Variants in NRXN1 observed in about 807,000 individuals in gnomAD.
The protein encoded by NRXN1 is neurexin 1.
Under a neutral mutation model 150.9 loss-of-function variants are expected in NRXN1, and 39 were observed. The ratio of observed to expected loss-of-function variants is 0.26; its 90% CI spans 0.20 to 0.34. The LOEUF (loss-of-function observed/expected upper bound fraction) is 0.34, where lower values mean the gene tolerates loss of function less well. NRXN1 is among the 10% of genes least tolerant of loss of function. The pLI is 1.00. For missense variants in NRXN1, 1,815 were observed against 1,949.9 expected (o/e 0.93, Z 1.30); for synonymous variants, 924 against 757.0 (o/e 1.22, Z -3.62).
intron 17 of NRXN1, among the ~76,000 whole-genome samples, chr2:50,313,640 G>T (rs879660874): frequency 6.6e-6 from 1 of 152,068 alleles, no homozygotes; most frequent in African/African-American, 2.4e-5. Context: ...ACACCATACC[G>T]CTACTTCTCT....
At chr2:50,810,929 G>C (rs1213764281) in intron 5 of NRXN1, among the ~76,000 whole-genome samples, 1 of 151,730 alleles carries the variant, frequency 6.6e-6, no homozygotes, top group African/African-American at 2.4e-5. Context: ...GCAGTGAGCT[G>C]AGATCACACC....
At chr2:50,407,086 C>T (rs1189598815) in intron 17 of NRXN1, among the ~76,000 whole-genome samples, 2 of 152,096 alleles carry the variant, frequency 1.3e-5, no homozygotes, top group Non-Finnish European at 2.9e-5. Flanking sequence ...TAATGATATA[C>T]ATTTTTTAAA....
intron 21 of NRXN1, among the ~76,000 whole-genome samples, chr2:50,041,838 T>G (rs1382648950): frequency 6.6e-6 from 1 of 152,312 alleles, no homozygotes; most frequent in South Asian, 2.1e-4. Context: ...GGTACGGCAC[T>G]ATAACCCAAA....
At chr2:50,581,279 T>C (rs1483450849) in intron 8 of NRXN1, among the ~76,000 whole-genome samples, 1 of 152,238 alleles carries the variant, frequency 6.6e-6, no homozygotes. Flanking sequence ...TTTCTTGGCC[T>C]ACAGTTTTCA....
At chr2:51,010,386 C>T (rs534773842) in intron 2 of NRXN1, among the ~76,000 whole-genome samples, 17 of 152,068 alleles carry the variant, frequency 1.1e-4, no homozygotes, top group Middle Eastern at 3.4e-3. Context: ...TATTTATACT[C>T]GCTAAACGTA....
intron 5 of NRXN1, among the ~76,000 whole-genome samples, chr2:50,742,350 G>C (rs982296573): frequency 4.0e-5 from 6 of 150,886 alleles, no homozygotes; most frequent in Non-Finnish European, 8.8e-5. Flanking sequence ...CAAATGATTT[G>C]GTTTGCTTTA....
In NRXN1 at chr2:49,977,622, A is replaced by T. The variant is rs1228521228; in HGVS notation, c.4129-33831T>A. Reference sequence around the variant, plus strand: ...TTCTCCAATTTTAATAAGTTACAGAAAACAGGAAAAAACAGCAAGTGAGGA... The same window carrying T: ...TTCTCCAATTTTAATAAGTTACAGATAACAGGAAAAAACAGCAAGTGAGGA... On this transcript the variant is annotated intron_variant, in intron 21 of 22. Transcript: ENST00000401669. Among the ~76,000 whole-genome samples the T allele has an allele frequency of 2.0e-5, 3 of 152,190 alleles. No individual in the cohort carries two copies. In the East Asian group the frequency reaches 5.8e-4, roughly 29 times the overall value.
intron 5 of NRXN1, among the ~76,000 whole-genome samples, chr2:50,737,089 C>T (rs190584378): frequency 8.6e-5 from 13 of 151,882 alleles, no homozygotes; most frequent in Non-Finnish European, 1.6e-4. Context: ...GAAACCCCAT[C>T]CCTACTAAAA....
intron 17 of NRXN1, among the ~76,000 whole-genome samples, chr2:50,311,751 G>T (rs1367658585): frequency 6.6e-6 from 1 of 152,032 alleles, no homozygotes; most frequent in Non-Finnish European, 1.5e-5. Flanking sequence ...TGAATTCCAG[G>T]GTAGGGAGAC....
In NRXN1 at chr2:50,045,900, A is replaced by G. The variant is rs986787409; in HGVS notation, c.4128+7371T>C. Among the ~76,000 whole-genome samples the G allele has an allele frequency of 4.6e-5, 7 of 152,318 alleles. No individual in the cohort carries two copies. In the South Asian group the frequency reaches 8.3e-4, roughly 18 times the overall value. ...ATCAAAAGAGATATCGAGAATCATG[A>G]GCCCAATCTAGTCTAACTCACAGCT... On this transcript the variant is annotated intron_variant, in intron 21 of 22. Transcript: ENST00000401669.
intron 17 of NRXN1, among the ~76,000 whole-genome samples, chr2:50,274,446 G>A (rs868482435): frequency 6.6e-6 from 1 of 152,094 alleles, no homozygotes; most frequent in Non-Finnish European, 1.5e-5. Flanking sequence ...CCTAATGCAT[G>A]CCGGGCTTAA....
intron 17 of NRXN1, among the ~76,000 whole-genome samples, chr2:50,365,352 A>G (rs530610563): frequency 2.6e-5 from 4 of 152,072 alleles, no homozygotes; most frequent in Non-Finnish European, 5.9e-5. Context: ...ATGCATTTAC[A>G]TTCATGGAGG....
rs552771796 is a variant in NRXN1, at chr2:50,682,495, T to C, written c.833-58880A>G. 3.3e-5 allele frequency among the ~76,000 whole-genome samples: 5 copies of C among 152,274 alleles called. No individual in the cohort carries two copies. In the South Asian group the frequency reaches 8.3e-4, roughly 25 times the overall value. ...ACATTAAATAAGGGAAAGGAAAATC[T>C]ACTAGGAGCATCGTGACTTGGTTGA... On this transcript the variant is annotated intron_variant, in intron 5 of 22. Transcript: ENST00000401669.
intron 2 of NRXN1, among the ~76,000 whole-genome samples, chr2:50,936,273 A>G (rs1051875872): frequency 6.6e-6 from 1 of 152,186 alleles, no homozygotes; most frequent in Non-Finnish European, 1.5e-5. Flanking sequence ...TATTAGAACA[A>G]CTTGAAAGAG....
intron 5 of NRXN1, among the ~76,000 whole-genome samples, chr2:50,745,764 C>T (rs1352715927): frequency 6.6e-6 from 1 of 152,046 alleles, no homozygotes; most frequent in African/African-American, 2.4e-5. Context: ...CTTGTAAAAT[C>T]ATCAGATCTC....
chr2:50,707,042 T>C (rs1694539496), intron 5 of NRXN1, among the ~76,000 whole-genome samples: 1 of 152,182 alleles, frequency 6.6e-6, no homozygotes, highest in Non-Finnish European at 1.5e-5. Context: ...GTTGGGTATA[T>C]GCAGCTGTCT....
At chr2:50,614,719 T>A (rs1177324735) in intron 8 of NRXN1, among the ~76,000 whole-genome samples, 11 of 70,786 alleles carry the variant, frequency 1.6e-4, no homozygotes, top group Admixed American at 4.3e-4. Flanking sequence ...CCTATTAAAC[T>A]AATATCAGCC....
At chr2:50,654,423 C>T (rs1164058129) in intron 5 of NRXN1, among the ~76,000 whole-genome samples, 2 of 151,852 alleles carry the variant, frequency 1.3e-5, no homozygotes, top group East Asian at 3.9e-4. Context: ...TTAATCTAGT[C>T]TATCATTGTT....
intron 21 of NRXN1, among the ~76,000 whole-genome samples, chr2:50,028,215 C>G (rs182336121): frequency 2.0e-3 from 299 of 152,210 alleles, no homozygotes; most frequent in African/African-American, 6.9e-3. Context: ...AAATGTTGCT[C>G]TTTAAAATTC....
Sources: gnomAD v4.1 joint callset for allele counts (sites outside exome capture counted in the v4.1 genomes callset) on GRCh38, gnomAD v4.1.1 for gene constraint, MANE v1.5 for transcripts, NCBI Gene and HGNC (gene_info 2026-07-23, HGNC 2026-07-21) for gene names.